The following CYP2F1 variants were observed in gnomAD, a reference collection of about 807,000 sequenced individuals.
The protein encoded by CYP2F1 is cytochrome P450 family 2 subfamily F member 1.
A neutral mutation model predicts 40.4 loss-of-function variants in CYP2F1; 33 were observed. The ratio of observed to expected loss-of-function variants is 0.82; its 90% CI spans 0.62 to 1.09. CYP2F1 has a LOEUF of 1.09. CYP2F1 is among the 50% of genes least tolerant of loss of function. The pLI is 0.00. For synonymous variants in CYP2F1, 235 were observed against 277.2 expected (o/e 0.85, Z 1.51); for missense variants, 566 against 655.7 (o/e 0.86, Z 1.49).
rs1175539819 is a variant in CYP2F1 at position 41,122,112 on chromosome 19, C to T, written c.801C>T (p.Cys267=). Residue 267 remains cysteine, a synonymous_variant, in exon 6 of 10, where the codon TGC becomes TGT. Coordinates refer to ENST00000331105, the MANE Select transcript of CYP2F1 (RefSeq NM_000774.5). Reference sequence around the variant, plus strand: ...GATCTCCCCGGGACTTCATCCAGTGCTTCCTCACCAAGATGGCAGAGGTAA... The same window carrying T: ...GATCTCCCCGGGACTTCATCCAGTGTTTCCTCACCAAGATGGCAGAGGTAA... ...DPRSPRDFIQ[C]FLTKMAEEKE... 6.5e-7 allele frequency: 1 copy of T among 1,527,896 alleles called. No homozygotes were observed. The highest frequency in any genetic ancestry group is 1.4e-5 in the African/African-American group (1 of 69,360). The allele number at this position is 1,527,896 out of a possible 1,614,324, so 94.6% of individuals were successfully genotyped here.
At position 41,126,874 on chromosome 19, in the gene CYP2F1, T is replaced by G. The variant is rs112870838; in HGVS notation, c.1295-1027T>G. On this transcript the variant is annotated intron_variant, in intron 9 of 9. Transcript: ENST00000331105. Reference sequence around the variant, plus strand: ...CACTGGGTGGCGCAGTTGAGGTGGTTCTAGGGGTTTTTGTTTTGTTTGTTT... The same window carrying G: ...CACTGGGTGGCGCAGTTGAGGTGGTGCTAGGGGTTTTTGTTTTGTTTGTTT... Among the ~76,000 whole-genome samples, 67 of 152,276 alleles carry G rather than the reference T, an allele frequency of 4.4e-4. 1 individual carries two copies. The highest frequency in any genetic ancestry group is 1.4e-3 in the African/African-American group (59 of 41,560).
intron 9 of CYP2F1, 141 bp downstream of exon 9, chr19:41,125,775 C>T: frequency 6.5e-7 from 1 of 1,536,660 alleles, no homozygotes; most frequent in Non-Finnish European, 8.8e-7. Context: ...CTCCTCTCAA[C>T]TCTGCTCCTA....
At chr19:41,121,843 G>GCCTATCCAGA (rs563075599) in intron 5 of CYP2F1, 114 bp from the exon 6 acceptor site, 1 of 1,021,680 alleles carries the variant, frequency 9.8e-7, no homozygotes, top group African/African-American at 2.1e-5. Context: ...CCCCACCCCG[G>GCCTATCCAGA]ACCTGGCTGC....
rs1381979794 is a variant in CYP2F1 at position 41,128,078 on chromosome 19, G to A, written c.1472G>A (p.Arg491His). 3.7e-6 allele frequency: 6 copies of A among 1,602,888 alleles called. No homozygotes were observed. The highest frequency in any genetic ancestry group is 2.8e-5 in the African/African-American group (2 of 72,354). ...PRPFQLCLRPR is the reference protein window; with the variant it reads ...PRPFQLCLRPH ...CCTTTCCAGCTGTGCCTGCGCCCGC[G>A]CTAACGCCCCGGCCCTTCCAGATTC... Residue 491 changes from arginine (R) to histidine (H), a missense_variant, in exon 10 of 10, where the codon CGC becomes CAC. This residue lies in a region of CYP2F1 where 85 missense variants were observed against 84.9 expected (regional missense o/e 1.00). Transcript: ENST00000331105.
At chr19:41,124,581 C>T (rs2032434987) in intron 7 of CYP2F1, 138 bp from the exon 8 acceptor site, 3 of 761,694 alleles carry the variant, frequency 3.9e-6, no homozygotes, top group South Asian at 1.8e-5. Flanking sequence ...CTAATTCTCA[C>T]GTGCGCCCCA....
intron 6 of CYP2F1, among the ~76,000 whole-genome samples, 165 bp from the exon 7 acceptor site, chr19:41,122,657 G>A (rs1363238795): frequency 9.2e-5 from 14 of 152,064 alleles, no homozygotes; most frequent in Admixed American, 9.2e-4. Flanking sequence ...TGTAGGCCCT[G>A]CAGCTGAGAT....
intron 3 of CYP2F1, among the ~76,000 whole-genome samples, chr19:41,119,723 C>CTCTCTCTCTA (rs1478574507): frequency 9.2e-4 from 33 of 35,808 alleles, no homozygotes; most frequent in South Asian, 1.4e-3. Context: ...CTCTCTCTCT[C>CTCTCTCTCTA]TATATATATA....
chr19:41,120,832 T>G (rs1054772188), intron 4 of CYP2F1, among the ~76,000 whole-genome samples: 1 of 151,898 alleles, frequency 6.6e-6, no homozygotes, highest in Non-Finnish European at 1.5e-5. Context: ...TCTACTTTTT[T>G]TTTTTTGAGA....
intron 7 of CYP2F1, chr19:41,123,374 C>T (rs1437837543): frequency 5.7e-6 from 2 of 352,014 alleles, no homozygotes; most frequent in East Asian, 7.6e-5. Context: ...TACACCACCA[C>T]ATCCAGCTAA....
chr19:41,119,868 G>A (rs1333965638), intron 3 of CYP2F1, among the ~76,000 whole-genome samples: 1 of 150,882 alleles, frequency 6.6e-6, no homozygotes, highest in East Asian at 2.0e-4. Context: ...CTGAACCCGG[G>A]AGGCGGAGGG....
intron 8 of CYP2F1, chr19:41,125,269 G>A (rs981525300): frequency 9.6e-6 from 6 of 623,734 alleles, no homozygotes; most frequent in Non-Finnish European, 1.7e-5. Flanking sequence ...AAGGTTGGGG[G>A]TTTCCCACAT....
intron 1 of CYP2F1, among the ~76,000 whole-genome samples, chr19:41,114,751 C>T (rs1352720905): frequency 6.6e-6 from 1 of 150,864 alleles, no homozygotes; most frequent in Non-Finnish European, 1.5e-5. Context: ...CTGTGCCCTT[C>T]CTCTCTGTCT....
rs1456951100 is a variant in CYP2F1 at position 41,123,751 on chromosome 19, T to G, written c.964+788T>G. Among the ~76,000 whole-genome samples the G allele has an allele frequency of 2.6e-5, 4 of 152,296 alleles. No individual in the cohort carries two copies. In the East Asian group the frequency reaches 7.7e-4, roughly 29 times the overall value. ...GTTGCCCTGGCTGGTCCCCAACTCC[T>G]GGGCTCAAGCAATCCTCTCACCTTG... On this transcript the variant is annotated intron_variant, in intron 7 of 9. Coordinates refer to ENST00000331105, the MANE Select transcript of CYP2F1 (RefSeq NM_000774.5).
rs1462641471 is a variant in CYP2F1, at chr19:41,119,740, TATATATATACACACACACAC to T, written c.335-605_335-586del. ...CTCTCTCTCTATATATATATATATA[TATATATATACACACACACAC>T]ACACACACACACACACACACACACA... On this transcript the variant is annotated intron_variant, in intron 3 of 9. Coordinates refer to ENST00000331105, the MANE Select transcript of CYP2F1 (RefSeq NM_000774.5). 2.6e-4 allele frequency among the ~76,000 whole-genome samples: 19 copies of T among 73,452 alleles called. 1 individual carries two copies. The highest frequency in any genetic ancestry group is 9.4e-4 in the African/African-American group (18 of 19,048). The allele number at this position is 73,452 out of a possible 152,430, so 48.2% of individuals were successfully genotyped here.
In CYP2F1 at chr19:41,120,499, C is replaced by A; in HGVS notation, c.484+3C>A. The A allele has an allele frequency of 1.2e-6, 2 of 1,610,834 alleles. No individual in the cohort carries two copies. Among genetic ancestry groups the A allele is most frequent in the South Asian group, 2.2e-5 (2 of 90,544 alleles). ...GGCGGAGCTGCGGAAAACTGAAGGT[C>A]AGGAATTTTTTTTAACAGGCTGGAT... On this transcript the variant is annotated splice_donor_region_variant and intron_variant, in intron 4 of 9. Transcript: ENST00000331105.
Position 41,127,999 on chromosome 19 carries a change from C to G in CYP2F1, c.1393C>G (p.Pro465Ala), listed in dbSNP as rs960801206. The change falls in exon 10 of 10, where the codon CCC becomes GCC. Residue 465 changes from proline (P) to alanine (A), a missense_variant. This residue lies in a region of CYP2F1 where 85 missense variants were observed against 84.9 expected (regional missense o/e 1.00). Transcript: ENST00000331105. ...QSFSLQPLGA[P>A]EDIDLTPLSS... ...CTTTTCGCTGCAGCCGCTGGGTGCGCCCGAGGACATCGACCTGACCCCACT... is the reference window on the plus strand; with the variant it reads ...CTTTTCGCTGCAGCCGCTGGGTGCGGCCGAGGACATCGACCTGACCCCACT... 6 of 1,613,288 alleles carry G rather than the reference C, an allele frequency of 3.7e-6. No homozygotes were observed. The African/African-American group carries it at 8.0e-5, about 22-fold the overall frequency.
At chr19:41,119,727 A>T (rs1232223753) in intron 3 of CYP2F1, among the ~76,000 whole-genome samples, 2 of 35,448 alleles carry the variant, frequency 5.6e-5, no homozygotes, top group Admixed American at 3.9e-4. Context: ...CTCTCTCTAT[A>T]TATATATATA....
At chr19:41,125,226 C>T (rs1281187785) in intron 8 of CYP2F1, 2 of 620,064 alleles carry the variant, frequency 3.2e-6, no homozygotes, top group South Asian at 2.4e-5. Flanking sequence ...GGGACCCCTC[C>T]TTTTCCCCAG....
In CYP2F1 at chr19:41,125,071, T is replaced by A. The variant is rs528060579; in HGVS notation, c.1152+165T>A. 2.4e-4 allele frequency: 153 copies of A among 632,990 alleles called. 2 individuals are homozygous for A. The South Asian group carries it at 3.2e-3, about 13-fold the overall frequency. The allele number at this position is 632,990 out of a possible 1,614,324, so 39.2% of individuals were successfully genotyped here. ...ATCTCAGACCCTTAAATCCAGAAGC[T>A]CAGGCCTTTGCCAGGACCCCATCTC... On this transcript the variant is annotated intron_variant, in intron 8 of 9. Coordinates refer to ENST00000331105, the MANE Select transcript of CYP2F1 (RefSeq NM_000774.5).
Sources: allele counts gnomAD v4.1 joint callset (sites outside exome capture counted in the v4.1 genomes callset), GRCh38; gene constraint gnomAD v4.1.1; regional missense constraint gnomAD v4.1.1; transcripts MANE v1.5; gene names NCBI Gene and HGNC (gene_info 2026-07-23, HGNC 2026-07-21).